Variants in HMCN1 observed in about 807,000 individuals in gnomAD.
HMCN1 encodes the protein hemicentin 1.
HMCN1 carries 321 observed loss-of-function variants against 625.9 expected under a neutral mutation model. That is an observed-to-expected ratio of 0.51 (90% CI 0.47 to 0.56). The LOEUF is 0.56. HMCN1 is among the 20% of genes least tolerant of loss of function. The probability of loss-of-function intolerance (pLI) is 0.00; values close to 1 mark genes in which losing one functional copy is unlikely to be tolerated. For synonymous variants in HMCN1, 2,425 were observed against 2,417.6 expected (o/e 1.00, Z -0.09); for missense variants, 6,588 against 6,887.3 (o/e 0.96, Z 1.54).
At chr1:186,011,032 T>C (rs1433589578) in intron 30 of HMCN1, among the ~76,000 whole-genome samples, 1 of 76 alleles carries the variant, frequency 0.013, no homozygotes, top group Non-Finnish European at 0.024. Flanking sequence ...CATCTGCTAC[T>C]GGTTTTTTTT....
At chr1:185,901,115 A>G (rs1665779695) in intron 4 of HMCN1, among the ~76,000 whole-genome samples, 2 of 152,008 alleles carry the variant, frequency 1.3e-5, no homozygotes, top group African/African-American at 4.8e-5. Context: ...TCTAAACCCA[A>G]TAGGCACATG....
rs1658944087 is a variant in HMCN1, at chr1:186,078,180, G to A, written c.8559G>A (p.Glu2853=). ...AGRYTCVAVN[E]AGEDSLQYDV... The stretch of plus-strand genomic sequence containing the variant: ...GATACACATGTGTGGCTGTGAATGA[G>A]GCTGGAGAAGATTCCCTTCAATATG... Residue 2853 remains glutamate, a synonymous_variant, in exon 55 of 107, where the codon GAG becomes GAA. Transcript: ENST00000271588. 1 of 1,613,560 alleles carries A rather than the reference G, an allele frequency of 6.2e-7. No individual in the cohort carries two copies. The highest frequency in any genetic ancestry group is 1.1e-5 in the South Asian group (1 of 91,058).
chr1:185,891,286 T>C (rs1190525010), intron 4 of HMCN1, among the ~76,000 whole-genome samples: 1 of 141,286 alleles, frequency 7.1e-6, no homozygotes, highest in Non-Finnish European at 1.5e-5. Context: ...CTGTGTCTTT[T>C]AATTGGAGCA....
chr1:185,760,456 A>G (rs1043555099), intron 1 of HMCN1, among the ~76,000 whole-genome samples: 2 of 152,328 alleles, frequency 1.3e-5, no homozygotes, highest in South Asian at 2.1e-4. Context: ...CAGTTCTTCA[A>G]CGTAAAAGAA....
chr1:186,174,279 T>C (rs901713266), intron 102 of HMCN1, among the ~76,000 whole-genome samples: 10 of 152,114 alleles, frequency 6.6e-5, no homozygotes, highest in Middle Eastern at 3.2e-3. Context: ...AAAAGAAATC[T>C]GTGAATAAAA....
chr1:186,026,737 T>A (rs1219393562), intron 36 of HMCN1, among the ~76,000 whole-genome samples: 1 of 151,858 alleles, frequency 6.6e-6, no homozygotes, highest in Non-Finnish European at 1.5e-5. Flanking sequence ...TAGGCTCAGG[T>A]GATCTTCCCA....
chr1:185,769,157 T>G (rs1656062522), intron 1 of HMCN1, among the ~76,000 whole-genome samples: 1 of 152,086 alleles, frequency 6.6e-6, no homozygotes, highest in African/African-American at 2.4e-5. Context: ...ATTGTAAGAC[T>G]TTATAATAGG....
intron 1 of HMCN1, among the ~76,000 whole-genome samples, chr1:185,771,737 C>G: frequency 6.6e-6 from 1 of 152,022 alleles, no homozygotes; most frequent in East Asian, 1.9e-4. Context: ...TCAAGAGTAC[C>G]ACACCTAGAG....
intron 4 of HMCN1, among the ~76,000 whole-genome samples, chr1:185,870,026 T>G (rs934307599): frequency 2.0e-5 from 3 of 151,370 alleles, no homozygotes; most frequent in Non-Finnish European, 2.9e-5. Flanking sequence ...GTTCTGTTTT[T>G]TTTTTTTTTT....
intron 16 of HMCN1, 69 bp from the exon 17 acceptor site, chr1:185,980,909 C>T (rs1464720473): frequency 1.1e-6 from 1 of 949,418 alleles, no homozygotes; most frequent in Non-Finnish European, 1.7e-6. Context: ...CAGATCTCAG[C>T]ACTGTTTCTG....
At chr1:186,032,746 GAA>G (rs74542819) in intron 36 of HMCN1, among the ~76,000 whole-genome samples, 1 of 25,406 alleles carries the variant, frequency 3.9e-5, no homozygotes, top group Non-Finnish European at 7.1e-5. Flanking sequence ...TAAGTAAAAA[GAA>G]AAAAAAAAAG....
intron 4 of HMCN1, among the ~76,000 whole-genome samples, chr1:185,872,862 T>G (rs1427860490): frequency 6.6e-6 from 1 of 152,156 alleles, no homozygotes; most frequent in Non-Finnish European, 1.5e-5. Context: ...AATGTAAGTT[T>G]CACTATGAAA....
intron 1 of HMCN1, among the ~76,000 whole-genome samples, chr1:185,771,095 G>A (rs978419366): frequency 9.9e-5 from 15 of 152,196 alleles, no homozygotes; most frequent in African/African-American, 3.4e-4. Flanking sequence ...ATAGGATTTA[G>A]CGATGTGTTA....
At position 186,003,927 on chromosome 1, in the gene HMCN1, A is replaced by C. The variant is rs900108085; in HGVS notation, c.4475+83A>C. On this transcript the variant is annotated intron_variant, in intron 29 of 106. Transcript: ENST00000271588. ...AATGCATGTGGATTTTCTCCCTCTT[A>C]ATTATTTTATTACATAGAATATTAT... 5 of 1,306,450 alleles carry C rather than the reference A, an allele frequency of 3.8e-6. No individual in the cohort carries two copies. In the African/African-American group the frequency reaches 5.9e-5, roughly 15 times the overall value. 80.9% of individuals were successfully genotyped at this position (1,306,450 alleles called of 1,614,324 possible). A position where few individuals can be genotyped will look rare whatever the true frequency, so the allele number is the denominator to read the frequency against.
At chr1:186,108,401 C>A (rs1660721239) in intron 70 of HMCN1, 60 bp from the exon 71 acceptor site, 1 of 1,612,736 alleles carries the variant, frequency 6.2e-7, no homozygotes. Flanking sequence ...GCAGAACCAA[C>A]ATTTTTTGGA....
At chr1:185,778,587 T>C (rs1435537868) in intron 1 of HMCN1, among the ~76,000 whole-genome samples, 1 of 147,484 alleles carries the variant, frequency 6.8e-6, no homozygotes, top group Non-Finnish European at 1.5e-5. Context: ...TGAGTGAGAA[T>C]ATGCGGTGTT....
intron 56 of HMCN1, 44 bp from the exon 57 acceptor site, chr1:186,082,821 C>T (rs1231088460): frequency 2.7e-6 from 3 of 1,098,436 alleles, no homozygotes; most frequent in East Asian, 5.1e-5. Flanking sequence ...TGACAAGTTG[C>T]TTTATTCAAA....
At chr1:185,912,553 C>T (rs1246804272) in intron 6 of HMCN1, among the ~76,000 whole-genome samples, 1 of 151,880 alleles carries the variant, frequency 6.6e-6, no homozygotes, top group Admixed American at 6.6e-5. Context: ...TGGCAGATGC[C>T]CTGAGTGACT....
rs1656186725 is a variant in HMCN1, at chr1:186,041,244, G to T, written c.6304+108G>T. The T allele has an allele frequency of 9.5e-6, 9 of 943,126 alleles. No homozygotes were observed. The Admixed American group carries it at 1.4e-4, about 15-fold the overall frequency. 58.4% of individuals were successfully genotyped at this position (943,126 alleles called of 1,614,324 possible). A position where few individuals can be genotyped will look rare whatever the true frequency, so the allele number is the denominator to read the frequency against. ...TGACAATAAAGAACAATGAACCTTA[G>T]AAATGATATTACAGGATCAATTCAA... is the stretch of plus-strand genomic sequence containing the variant. On this transcript the variant is annotated intron_variant, in intron 40 of 106. Coordinates refer to ENST00000271588, the MANE Select transcript of HMCN1 (RefSeq NM_031935.3).
Sources: allele counts gnomAD v4.1 joint callset (sites outside exome capture counted in the v4.1 genomes callset), GRCh38; gene constraint gnomAD v4.1.1; transcripts MANE v1.5; gene names NCBI Gene and HGNC (gene_info 2026-07-23, HGNC 2026-07-21).